FLRT2: variants seen among roughly 807,000 people sequenced by gnomAD.
FLRT2 encodes fibronectin leucine rich transmembrane protein 2.
A neutral mutation model predicts 40.0 loss-of-function variants in FLRT2; 15 were observed. The ratio of observed to expected loss-of-function variants is 0.38; its 90% CI spans 0.25 to 0.58. FLRT2 has a LOEUF of 0.58. Ranked by LOEUF, FLRT2 falls within the 20% of genes least tolerant of loss-of-function variation. FLRT2 has a pLI of 0.71. For synonymous variants in FLRT2, 380 were observed against 336.8 expected, an observed-to-expected ratio of 1.13 and a Z score of -1.41; for missense variants, 726 against 840.0, an observed-to-expected ratio of 0.86 and a Z score of 1.68.
intron 1 of FLRT2, among the ~76,000 whole-genome samples, chr14:85,531,778 G>C (rs757856620): frequency 1.4e-4 from 22 of 152,202 alleles, no homozygotes; most frequent in Non-Finnish European, 2.4e-4. Flanking sequence ...GATGGGCTAT[G>C]TAAATGTAAG....
rs1893866745 is a variant in FLRT2, at chr14:85,631,270, A to G, written c.*7773A>G. Reference sequence around the variant, plus strand: ...ATATTTGTCCTTTAAGATACAAGTCAAAGACCTCTCTTCCAAAGCCGCTGG... The same window carrying G: ...ATATTTGTCCTTTAAGATACAAGTCGAAGACCTCTCTTCCAAAGCCGCTGG... On this transcript the variant is annotated 3_prime_UTR_variant, in exon 2 of 2. Coordinates refer to ENST00000330753, the MANE Select transcript of FLRT2 (RefSeq NM_013231.6). The G allele has an allele frequency of 6.6e-6, 1 of 151,710 alleles. No homozygotes were observed. Among genetic ancestry groups the G allele is most frequent in the Admixed American group, 6.6e-5 (1 of 15,216 alleles). The allele number at this position is 151,710 out of a possible 1,614,324, so 9.4% of individuals were successfully genotyped here.
At position 85,645,815 on chromosome 14, in the gene FLRT2, C is replaced by G. The variant is rs528353055; in HGVS notation, c.*22318C>G. 14 of 152,242 alleles carry G rather than the reference C, an allele frequency of 9.2e-5. No homozygotes were observed. The highest frequency in any genetic ancestry group is 3.4e-4 in the African/African-American group (14 of 41,554). 9.4% of individuals were successfully genotyped at this position (152,242 alleles called of 1,614,324 possible). ...TTTATGATAGCAAAGATGTTGGTAA[C>G]ATATGCATTCAACAACATAGTTCAT... is the stretch of plus-strand genomic sequence containing the variant. On this transcript the variant is annotated 3_prime_UTR_variant, in exon 2 of 2. Coordinates refer to ENST00000330753, the MANE Select transcript of FLRT2 (RefSeq NM_013231.6).
intron 1 of FLRT2, among the ~76,000 whole-genome samples, chr14:85,599,816 A>G (rs879269367): frequency 3.3e-5 from 5 of 152,200 alleles, no homozygotes; most frequent in Admixed American, 1.3e-4. Context: ...CAGGAAGATT[A>G]AATAACTTCC....
intron 1 of FLRT2, among the ~76,000 whole-genome samples, chr14:85,563,659 C>T (rs546761571): frequency 6.4e-4 from 98 of 152,266 alleles, no homozygotes; most frequent in African/African-American, 2.2e-3. Flanking sequence ...ATGATTCAAT[C>T]ACCTCCTTCC....
intron 1 of FLRT2, among the ~76,000 whole-genome samples, chr14:85,582,741 T>C (rs1408424827): frequency 6.6e-6 from 1 of 152,138 alleles, no homozygotes; most frequent in African/African-American, 2.4e-5. Context: ...TGGACTAATA[T>C]AGTCCTTGTA....
At chr14:85,578,331 T>A (rs1356183748) in intron 1 of FLRT2, among the ~76,000 whole-genome samples, 1 of 151,738 alleles carries the variant, frequency 6.6e-6, no homozygotes, top group Non-Finnish European at 1.5e-5. Context: ...AGTTTTTGTG[T>A]GACTTGTGCC....
At chr14:85,566,690 T>A (rs993921447) in intron 1 of FLRT2, among the ~76,000 whole-genome samples, 2 of 151,730 alleles carry the variant, frequency 1.3e-5, no homozygotes, top group Admixed American at 1.3e-4. Flanking sequence ...AGGTTTATAT[T>A]CCTGGCCTGG....
chr14:85,546,299 C>T (rs1889277215), intron 1 of FLRT2, among the ~76,000 whole-genome samples: 1 of 152,148 alleles, frequency 6.6e-6, no homozygotes. Context: ...GTGATCCATT[C>T]CTTAATTCCT....
chr14:85,603,857 G>A (rs999121980), intron 1 of FLRT2, among the ~76,000 whole-genome samples: 3 of 152,138 alleles, frequency 2.0e-5, no homozygotes, highest in Non-Finnish European at 4.4e-5. Flanking sequence ...GCGACAGAGC[G>A]AGACTCAATC....
chr14:85,636,598 A>C lies in FLRT2; in HGVS notation c.*13101A>C, dbSNP rs1402960667. 2 of 152,080 alleles carry C rather than the reference A, an allele frequency of 1.3e-5. No individual in the cohort carries two copies. Among genetic ancestry groups the C allele is most frequent in the Non-Finnish European group, 2.9e-5 (2 of 68,010 alleles). The allele number at this position is 152,080 out of a possible 1,614,324, so 9.4% of individuals were successfully genotyped here. A position where few individuals can be genotyped will look rare whatever the true frequency, so the allele number is the denominator to read the frequency against. ...CAACAAAACATCTTCAGGAAAAGAA[A>C]AAGAAAGGCAAATAAAATGTTTATA... is the stretch of plus-strand genomic sequence containing the variant. On this transcript the variant is annotated 3_prime_UTR_variant, in exon 2 of 2. Coordinates refer to ENST00000330753, the MANE Select transcript of FLRT2 (RefSeq NM_013231.6).
intron 1 of FLRT2, among the ~76,000 whole-genome samples, chr14:85,550,496 G>T (rs557396913): frequency 7.2e-5 from 11 of 152,180 alleles, no homozygotes; most frequent in Non-Finnish European, 1.0e-4. Context: ...GATAACTAAT[G>T]TAATTACAAT....
chr14:85,591,870 A>G (rs531943396), intron 1 of FLRT2, among the ~76,000 whole-genome samples: 25 of 152,338 alleles, frequency 1.6e-4, no homozygotes, highest in Non-Finnish European at 3.2e-4. Flanking sequence ...TGCTTAATAA[A>G]TATTTCATGA....
At chr14:85,616,084 G>A (rs560245050) in intron 1 of FLRT2, among the ~76,000 whole-genome samples, 22 of 152,230 alleles carry the variant, frequency 1.4e-4, no homozygotes, top group African/African-American at 4.8e-4. Context: ...ATAGCTGCTG[G>A]TTTTTACTGT....
At chr14:85,617,949 A>C (rs1254842430) in intron 1 of FLRT2, among the ~76,000 whole-genome samples, 1 of 152,170 alleles carries the variant, frequency 6.6e-6, no homozygotes, top group Non-Finnish European at 1.5e-5. Flanking sequence ...GAACCACATC[A>C]TCTTCTTATA....
chr14:85,537,993 A>G (rs993201997), intron 1 of FLRT2, among the ~76,000 whole-genome samples: 1 of 152,164 alleles, frequency 6.6e-6, no homozygotes, highest in African/African-American at 2.4e-5. Flanking sequence ...TCAGGATTCC[A>G]GAAGAGTTAA....
At chr14:85,550,833 T>C (rs529112846) in intron 1 of FLRT2, among the ~76,000 whole-genome samples, 36 of 152,274 alleles carry the variant, frequency 2.4e-4, no homozygotes, top group South Asian at 4.1e-4. Context: ...ACGTTGAAAA[T>C]CTGGAGGGGG....
chr14:85,612,109 G>A (rs1198724685), intron 1 of FLRT2, among the ~76,000 whole-genome samples: 1 of 137,858 alleles, frequency 7.3e-6, no homozygotes, highest in African/African-American at 2.6e-5. Context: ...GTGCACCTGA[G>A]TTTTTAAAAT....
Position 85,651,194 on chromosome 14 carries a change from T to C in FLRT2, c.*27697T>C, listed in dbSNP as rs1894424304. Reference sequence around the variant, plus strand: ...AAACTTTTTTGGTATATAGATATCTTTAATTACATATTTCTAAATTATTTT... The same window carrying C: ...AAACTTTTTTGGTATATAGATATCTCTAATTACATATTTCTAAATTATTTT... On this transcript the variant is annotated 3_prime_UTR_variant, in exon 2 of 2. Transcript: ENST00000330753. 6.6e-6 allele frequency: 1 copy of C among 152,076 alleles called. No individual in the cohort carries two copies. The highest frequency in any genetic ancestry group is 1.5e-5 in the Non-Finnish European group (1 of 68,000). 9.4% of individuals were successfully genotyped at this position (152,076 alleles called of 1,614,324 possible). A position where few individuals can be genotyped will look rare whatever the true frequency, so the allele number is the denominator to read the frequency against.
chr14:85,605,290 C>G (rs1778832530), intron 1 of FLRT2, among the ~76,000 whole-genome samples: 1 of 152,166 alleles, frequency 6.6e-6, no homozygotes, highest in Admixed American at 6.5e-5. Context: ...ACTGGCAGCT[C>G]TCTCCTGTGA....
Sources: gnomAD v4.1 joint callset for allele counts (sites outside exome capture counted in the v4.1 genomes callset) on GRCh38, gnomAD v4.1.1 for gene constraint, MANE v1.5 for transcripts, NCBI Gene and HGNC (gene_info 2026-07-23, HGNC 2026-07-21) for gene names.